REC114: variants seen among roughly 807,000 people sequenced by gnomAD.
REC114 encodes the protein meiotic recombination protein REC114.
REC114 carries 27 observed loss-of-function variants against 31.3 expected under a neutral mutation model. That is an observed-to-expected ratio of 0.86 (90% CI 0.64 to 1.19). The LOEUF (loss-of-function observed/expected upper bound fraction) is 1.19. Ranked by LOEUF, REC114 falls within the 50% of genes most tolerant of loss-of-function variation. The pLI, the probability that REC114 is intolerant of heterozygous loss-of-function variation, is 0.00. For missense variants in REC114, 344 were observed against 326.9 expected, an observed-to-expected ratio of 1.05 and a Z score of -0.40; for synonymous variants, 134 against 127.7, an observed-to-expected ratio of 1.05 and a Z score of -0.33.
At chr15:73,551,617 G>A (rs1464147740) in intron 4 of REC114, among the ~76,000 whole-genome samples, 3 of 152,104 alleles carry the variant, frequency 2.0e-5, no homozygotes, top group Non-Finnish European at 2.9e-5. Flanking sequence ...ACAAACTAAC[G>A]AAATAACCCT....
At chr15:73,545,039 T>G (rs1048335017) in intron 3 of REC114, among the ~76,000 whole-genome samples, 1 of 152,204 alleles carries the variant, frequency 6.6e-6, no homozygotes, top group South Asian at 2.1e-4. Flanking sequence ...CATCTCTGTA[T>G]GGAGATGCTA....
intron 2 of REC114, among the ~76,000 whole-genome samples, chr15:73,502,107 AC>A (rs1478073015): frequency 6.6e-6 from 1 of 151,558 alleles, no homozygotes; most frequent in African/African-American, 2.4e-5. Flanking sequence ...GTGAGCTATG[AC>A]CACGCCACTG....
chr15:73,517,461 T>G (rs1476884862), intron 2 of REC114, among the ~76,000 whole-genome samples: 1 of 152,188 alleles, frequency 6.6e-6, no homozygotes, highest in Non-Finnish European at 1.5e-5. Flanking sequence ...TGGAATAGAT[T>G]TATTTAAAAG....
At chr15:73,535,803 G>T (rs1468235735) in intron 2 of REC114, among the ~76,000 whole-genome samples, 1 of 151,644 alleles carries the variant, frequency 6.6e-6, no homozygotes, top group Non-Finnish European at 1.5e-5. Context: ...AACCAAAACA[G>T]CATGGGACTG....
At chr15:73,491,127 G>A (rs1355325452) in intron 2 of REC114, among the ~76,000 whole-genome samples, 1 of 78,120 alleles carries the variant, frequency 1.3e-5, no homozygotes, top group Non-Finnish European at 2.8e-5. Flanking sequence ...CCAGTTTGGG[G>A]AAATTATGAG....
rs1165319081 is a variant in REC114 at position 73,474,669 on chromosome 15, G to T, written c.249+748G>T. 3.3e-5 allele frequency among the ~76,000 whole-genome samples: 5 copies of T among 152,170 alleles called. No homozygotes were observed. In the East Asian group the frequency reaches 9.6e-4, roughly 29 times the overall value. On this transcript the variant is annotated intron_variant, in intron 2 of 5. Transcript: ENST00000331090. ...GTAATTGTATATGCTAGGCATTTTA[G>T]GGGATGCTAGGGATATAGCAGTGAA...
chr15:73,486,581 T>C (rs1893372925), intron 2 of REC114, among the ~76,000 whole-genome samples: 1 of 152,230 alleles, frequency 6.6e-6, no homozygotes, highest in Non-Finnish European at 1.5e-5. Flanking sequence ...GAGCATTTTA[T>C]AAGCAATGCA....
intron 2 of REC114, among the ~76,000 whole-genome samples, chr15:73,490,694 C>T (rs1008215607): frequency 2.0e-5 from 3 of 151,916 alleles, no homozygotes; most frequent in African/African-American, 7.3e-5. Flanking sequence ...GACCTTGTCT[C>T]AAAAAATAAA....
At chr15:73,513,431 T>G (rs1157167215) in intron 2 of REC114, among the ~76,000 whole-genome samples, 2 of 148,552 alleles carry the variant, frequency 1.3e-5, no homozygotes, top group Admixed American at 1.3e-4. Flanking sequence ...GTCTGAAGCC[T>G]TCTTCTCTCA....
At chr15:73,457,243 A>G (rs1892928154) in intron 1 of REC114, among the ~76,000 whole-genome samples, 1 of 152,082 alleles carries the variant, frequency 6.6e-6, no homozygotes, top group Non-Finnish European at 1.5e-5. Context: ...TTCTCTACTA[A>G]GAACAGGCAC....
intron 3 of REC114, among the ~76,000 whole-genome samples, chr15:73,547,108 A>G (rs1894320077): frequency 6.6e-6 from 1 of 152,152 alleles, no homozygotes; most frequent in Non-Finnish European, 1.5e-5. Flanking sequence ...AAGTGAAGAG[A>G]CAACCCACAG....
At chr15:73,524,170 AT>A (rs1893975930) in intron 2 of REC114, among the ~76,000 whole-genome samples, 1 of 152,210 alleles carries the variant, frequency 6.6e-6, no homozygotes, top group African/African-American at 2.4e-5. Context: ...AACAACCCCT[AT>A]TAGAGCAACA....
At chr15:73,448,712 TC>T (rs35442245) in intron 1 of REC114, among the ~76,000 whole-genome samples, 1 of 152,110 alleles carries the variant, frequency 6.6e-6, no homozygotes, top group Non-Finnish European at 1.5e-5. Flanking sequence ...GGGAGACACC[TC>T]CCAGTAGGGG....
At chr15:73,558,302 C>T (rs530672353) in intron 5 of REC114, among the ~76,000 whole-genome samples, 3 of 152,344 alleles carry the variant, frequency 2.0e-5, no homozygotes, top group Admixed American at 6.5e-5. Flanking sequence ...ATAAAACCAC[C>T]TACCTCACAG....
At chr15:73,472,746 C>T (rs143623510) in intron 1 of REC114, among the ~76,000 whole-genome samples, 293 of 152,152 alleles carry the variant, frequency 1.9e-3, no homozygotes, top group African/African-American at 6.5e-3. Context: ...TTAATTTCTT[C>T]GGTTCCTCAC....
At chr15:73,518,088 T>C (rs1467887231) in intron 2 of REC114, among the ~76,000 whole-genome samples, 1 of 152,146 alleles carries the variant, frequency 6.6e-6, no homozygotes, top group Non-Finnish European at 1.5e-5. Context: ...AATGAGGAGA[T>C]GTGGAGTTTT....
rs557691060 is a variant in REC114 at position 73,559,791 on chromosome 15, C to G, written c.676C>G (p.Gln226Glu). 4.4e-6 allele frequency: 7 copies of G among 1,608,522 alleles called. No homozygotes were observed. The East Asian group carries it at 6.7e-5, about 15-fold the overall frequency. The change falls in exon 6 of 6, where the codon CAA (glutamine) becomes GAA (glutamate). Residue 226 changes from glutamine (Q) to glutamate (E), a missense_variant. By Grantham distance (29) the Gln-to-Glu change is conservative. Coordinates refer to ENST00000331090, the MANE Select transcript of REC114 (RefSeq NM_001042367.2). ...ASEELPHVYE[Q>E]SAWGAEELGP... ...GGAGGAGCTGCCCCATGTCTATGAA[C>G]AATCTGCATGGGGTGCAGAAGAGTT... is the stretch of plus-strand genomic sequence containing the variant.
chr15:73,452,153 G>T (rs1205768454), intron 1 of REC114, among the ~76,000 whole-genome samples: 1 of 152,158 alleles, frequency 6.6e-6, no homozygotes, highest in African/African-American at 2.4e-5. Context: ...GCAAGAGAAA[G>T]AAATAAAGGG....
chr15:73,485,398 A>G (rs1008337073), intron 2 of REC114, among the ~76,000 whole-genome samples: 1 of 151,910 alleles, frequency 6.6e-6, no homozygotes, highest in African/African-American at 2.4e-5. Flanking sequence ...TTAAATCAGA[A>G]CCTGTCTATT....
Sources: allele counts gnomAD v4.1 joint callset (sites outside exome capture counted in the v4.1 genomes callset), GRCh38; gene constraint gnomAD v4.1.1; transcripts MANE v1.5; gene names NCBI Gene and HGNC (gene_info 2026-07-23, HGNC 2026-07-21).